The following PABPC4L variants were observed in gnomAD, a reference collection of about 807,000 sequenced individuals.
PABPC4L encodes the protein polyadenylate-binding protein 4-like.
For synonymous variants in PABPC4L, 169 were observed against 164.1 expected, an observed-to-expected ratio of 1.03 and a Z score of -0.23; for missense variants, 452 against 451.4, an observed-to-expected ratio of 1.00 and a Z score of -0.01.
the PABPC4L span, among the ~76,000 whole-genome samples, chr4:134,063,645 C>T: frequency 3.0e-4 from 46 of 151,956 alleles, 1 homozygote; most frequent in African/African-American, 1.1e-3. Context: ...AAGTGTTCTT[C>T]GTACTATTTT....
chr4:134,062,195 T>TA, the PABPC4L span, among the ~76,000 whole-genome samples: 4 of 151,938 alleles, frequency 2.6e-5, no homozygotes, highest in African/African-American at 9.7e-5. Flanking sequence ...AAAAAATTAC[T>TA]AACTGTATTG....
chr4:133,950,291 A>G, the PABPC4L span, among the ~76,000 whole-genome samples: 1 of 152,256 alleles, frequency 6.6e-6, no homozygotes, highest in Non-Finnish European at 1.5e-5. Context: ...GTGGTCTACT[A>G]TTACTAGTGG....
chr4:134,161,266 C>T, the PABPC4L span, among the ~76,000 whole-genome samples: 2 of 151,438 alleles, frequency 1.3e-5, no homozygotes, highest in Non-Finnish European at 2.9e-5. Context: ...AAGAATGAAG[C>T]ATGCCTATAG....
chr4:134,143,611 T>C, the PABPC4L span, among the ~76,000 whole-genome samples: 1 of 151,054 alleles, frequency 6.6e-6, no homozygotes, highest in Non-Finnish European at 1.5e-5. Flanking sequence ...TCTGCTGAAG[T>C]TGAATTTTAT....
the PABPC4L span, among the ~76,000 whole-genome samples, chr4:133,996,365 T>A: frequency 6.6e-6 from 1 of 152,174 alleles, no homozygotes; most frequent in Non-Finnish European, 1.5e-5. Context: ...AGCCTTATTC[T>A]GAGAACCATG....
chr4:134,180,570 CA>C, the PABPC4L span, among the ~76,000 whole-genome samples: 1 of 151,518 alleles, frequency 6.6e-6, no homozygotes, highest in Non-Finnish European at 1.5e-5. Context: ...AAAAATCATA[CA>C]AGAGATCAGT....
the PABPC4L span, among the ~76,000 whole-genome samples, chr4:134,109,803 A>G: frequency 5.3e-5 from 8 of 151,390 alleles, no homozygotes; most frequent in South Asian, 2.1e-4. Context: ...TGGCAATGGC[A>G]TGGTCTCAGC....
At chr4:134,141,496 T>A in the PABPC4L span, among the ~76,000 whole-genome samples, 1 of 149,804 alleles carries the variant, frequency 6.7e-6, no homozygotes, top group East Asian at 1.9e-4. Flanking sequence ...TATATTATAT[T>A]ATAACTATTA....
At chr4:133,971,494 G>A in the PABPC4L span, among the ~76,000 whole-genome samples, 1 of 152,252 alleles carries the variant, frequency 6.6e-6, no homozygotes, top group South Asian at 2.1e-4. Flanking sequence ...CATTGGCCCA[G>A]GAGCCAGTTT....
At chr4:134,111,213 C>T in the PABPC4L span, among the ~76,000 whole-genome samples, 1 of 151,886 alleles carries the variant, frequency 6.6e-6, no homozygotes, top group Non-Finnish European at 1.5e-5. Flanking sequence ...GGGCAAACTC[C>T]CTTCACTAAG....
the PABPC4L span, among the ~76,000 whole-genome samples, chr4:133,992,558 G>A: frequency 6.6e-6 from 1 of 152,108 alleles, no homozygotes; most frequent in African/African-American, 2.4e-5. Flanking sequence ...GGACCCCATT[G>A]AGAGTAAGTC....
chr4:133,991,486 G>T, the PABPC4L span, among the ~76,000 whole-genome samples: 1 of 152,166 alleles, frequency 6.6e-6, no homozygotes, highest in Non-Finnish European at 1.5e-5. Flanking sequence ...AGGCAGGCTT[G>T]AGGGCTTGCA....
the PABPC4L span, among the ~76,000 whole-genome samples, chr4:134,103,545 A>C: frequency 6.6e-6 from 1 of 151,750 alleles, no homozygotes; most frequent in African/African-American, 2.4e-5. Context: ...CATATTGATT[A>C]GGGCATATCC....
At chr4:134,142,468 T>A in the PABPC4L span, among the ~76,000 whole-genome samples, 1 of 151,722 alleles carries the variant, frequency 6.6e-6, no homozygotes, top group African/African-American at 2.4e-5. Flanking sequence ...GTGACAAATG[T>A]ATCCGATGCC....
chr4:134,044,408 C>A, the PABPC4L span, among the ~76,000 whole-genome samples: 1 of 152,046 alleles, frequency 6.6e-6, no homozygotes, highest in Admixed American at 6.6e-5. Flanking sequence ...GGACTACAGG[C>A]ATCCGCCACC....
the PABPC4L span, among the ~76,000 whole-genome samples, chr4:134,026,236 T>G: frequency 2.7e-4 from 38 of 141,688 alleles, no homozygotes; most frequent in African/African-American, 9.3e-4. Flanking sequence ...CAAATAATTT[T>G]TGCGATTTTT....
the PABPC4L span, among the ~76,000 whole-genome samples, chr4:133,954,606 C>T: frequency 1.3e-5 from 2 of 152,028 alleles, no homozygotes; most frequent in East Asian, 3.9e-4. Flanking sequence ...CTCTTTAGTT[C>T]CCTCTTTCCT....
the PABPC4L span, among the ~76,000 whole-genome samples, chr4:134,138,548 T>G: frequency 6.6e-6 from 1 of 151,874 alleles, no homozygotes; most frequent in African/African-American, 2.4e-5. Context: ...TCACCTAATA[T>G]TTTCTTTTTA....
the PABPC4L span, among the ~76,000 whole-genome samples, chr4:133,988,623 C>T: frequency 6.6e-6 from 1 of 152,228 alleles, no homozygotes; most frequent in Non-Finnish European, 1.5e-5. Flanking sequence ...CTCCTGGCTG[C>T]TTTCACAGGC....
Sources: allele counts gnomAD v4.1 joint callset (sites outside exome capture counted in the v4.1 genomes callset), GRCh38; gene constraint gnomAD v4.1.1; transcripts MANE v1.5; gene names NCBI Gene and HGNC (gene_info 2026-07-23, HGNC 2026-07-21).